AGL: variants seen among roughly 807,000 people sequenced by gnomAD.
The protein encoded by AGL is glycogen debranching enzyme.
AGL carries 128 observed loss-of-function variants against 199.3 expected under a neutral mutation model. The observed-to-expected ratio is 0.64, with a 90% CI of 0.56 to 0.74. The LOEUF (loss-of-function observed/expected upper bound fraction) is 0.74. Ranked by LOEUF, AGL falls within the 30% of genes least tolerant of loss-of-function variation. The probability of loss-of-function intolerance (pLI) is 0.00; values close to 1 mark genes in which losing one functional copy is unlikely to be tolerated. For synonymous variants in AGL, 584 were observed against 594.7 expected (o/e 0.98, Z 0.26); for missense variants, 1,809 against 1,820.8 (o/e 0.99, Z 0.12).
In AGL at chr1:99,913,564, A is replaced by G; in HGVS notation, c.3987A>G (p.Arg1329=). ...AGGTCTCATATGATGAGTGGAACAG[A>G]AAAATACAAGACAACTTTGAAAAGC... The part of the protein sequence containing the change: ...AIKVSYDEWN[R]KIQDNFEKLF... Residue 1329 remains arginine, a synonymous_variant, in exon 30 of 34, where the codon AGA becomes AGG. Coordinates refer to ENST00000361915, the MANE Select transcript of AGL (RefSeq NM_000642.3). 2 of 1,614,032 alleles carry G rather than the reference A, an allele frequency of 1.2e-6. No individual in the cohort carries two copies. The highest frequency in any genetic ancestry group is 1.3e-5 in the African/African-American group (1 of 75,052).
chr1:99,888,248 T>A, intron 21 of AGL, 140 bp downstream of exon 21: 1 of 1,064,170 alleles, frequency 9.4e-7, no homozygotes, highest in Non-Finnish European at 1.4e-6. Context: ...TTAATTGACC[T>A]TTGGCAAGTA....
chr1:99,855,772 GC>G (rs1306333537), intron 2 of AGL, among the ~76,000 whole-genome samples: 1 of 151,828 alleles, frequency 6.6e-6, no homozygotes, highest in Non-Finnish European at 1.5e-5. Flanking sequence ...CTGTACTCCA[GC>G]CTGGGCAACA....
intron 2 of AGL, among the ~76,000 whole-genome samples, chr1:99,851,643 A>AT (rs1292013383): frequency 6.6e-6 from 1 of 152,232 alleles, no homozygotes; most frequent in Non-Finnish European, 1.5e-5. Flanking sequence ...TTCTTAGCAA[A>AT]TAAAAAGTGC....
intron 2 of AGL, among the ~76,000 whole-genome samples, chr1:99,860,823 C>T (rs370963608): frequency 1.3e-5 from 2 of 152,106 alleles, no homozygotes; most frequent in African/African-American, 2.4e-5. Flanking sequence ...TTGCCCATGT[C>T]GGGATTATTT....
At position 99,879,987 on chromosome 1, in the gene AGL, G is replaced by C. The variant is rs1651875947; in HGVS notation, c.1676G>C (p.Gly559Ala). 1 of 1,613,752 alleles carries C rather than the reference G, an allele frequency of 6.2e-7. No individual in the cohort carries two copies. Among genetic ancestry groups the C allele is most frequent in the South Asian group, 1.1e-5 (1 of 91,068 alleles). Residue 559 changes from glycine to alanine, a missense_variant, in exon 13 of 34, where the codon GGA (glycine) becomes GCA (alanine). Transcript: ENST00000361915. ...NLYVVAELFT[G>A]SEDLDNVFVT... ...TATGTAGTAGCTGAACTGTTCACAG[G>C]AAGTGAAGATCTGGACAATGTCTTT...
intron 23 of AGL, 37 bp downstream of exon 23, chr1:99,891,776 G>T: frequency 6.2e-7 from 1 of 1,611,134 alleles, no homozygotes; most frequent in East Asian, 2.2e-5. Context: ...GGGCATATCT[G>T]TGTTGAAACT....
At chr1:99,877,226 A>G (rs781635027) in intron 11 of AGL, among the ~76,000 whole-genome samples, 1 of 152,074 alleles carries the variant, frequency 6.6e-6, no homozygotes, top group Non-Finnish European at 1.5e-5. Flanking sequence ...TCTTTTTTCT[A>G]GCCATTCTAA....
At chr1:99,880,858 C>A in intron 14 of AGL, 63 bp downstream of exon 14, 1 of 1,556,834 alleles carries the variant, frequency 6.4e-7, no homozygotes, top group Non-Finnish European at 8.9e-7. Context: ...AACTCTCTGA[C>A]ACTTGGTCAC....
In AGL at chr1:99,902,847, C is replaced by A. The variant is rs1002087285; in HGVS notation, c.3700+53C>A. 6.6e-6 allele frequency: 9 copies of A among 1,353,632 alleles called. No homozygotes were observed. The East Asian group carries it at 1.6e-4, about 25-fold the overall frequency. The allele number at this position is 1,353,632 out of a possible 1,614,324, so 83.9% of individuals were successfully genotyped here. On this transcript the variant is annotated intron_variant, in intron 27 of 33. Coordinates refer to ENST00000361915, the MANE Select transcript of AGL (RefSeq NM_000642.3). ...AATTTATCAAGGTGATGAAATTAAA[C>A]CTTGCAATTGTTCACTTAGTAAATA...
intron 27 of AGL, among the ~76,000 whole-genome samples, chr1:99,909,206 T>C (rs912082867): frequency 2.6e-5 from 4 of 151,906 alleles, no homozygotes; most frequent in Admixed American, 2.6e-4. Context: ...TGGAAGTCTA[T>C]ACTCCCCACC....
chr1:99,886,391 A>G (rs950591998), intron 20 of AGL, among the ~76,000 whole-genome samples: 5 of 152,104 alleles, frequency 3.3e-5, no homozygotes, highest in African/African-American at 4.8e-5. Context: ...AGGTAACAGC[A>G]TCAGCATCAG....
chr1:99,912,291 T>A, intron 28 of AGL, 114 bp from the exon 29 acceptor site: 2 of 818,352 alleles, frequency 2.4e-6, no homozygotes, highest in Middle Eastern at 6.8e-4. Flanking sequence ...TAAGGATTTT[T>A]TAATAGTTTT....
Position 99,900,658 on chromosome 1 carries a change from G to A in AGL, c.3385G>A (p.Gly1129Ser). The change falls in exon 26 of 34, where the codon GGT (glycine) becomes AGT (serine). Residue 1129 changes from glycine (G) to serine (S), a missense_variant. Transcript: ENST00000361915. ...TAGGAATATTATTTTAGCATTTGCG[G>A]GTACCCTGAGGCATGGTCTCATTCC... is the stretch of plus-strand genomic sequence containing the variant. ...EARNIILAFA[G>S]TLRHGLIPNL... The A allele has an allele frequency of 7.4e-6, 12 of 1,613,940 alleles. No homozygotes were observed. Among genetic ancestry groups the A allele is most frequent in the Non-Finnish European group, 1.0e-5 (12 of 1,179,868 alleles).
At chr1:99,901,382 TAAAA>T (rs58305886) in intron 26 of AGL, among the ~76,000 whole-genome samples, 2 of 107,758 alleles carry the variant, frequency 1.9e-5, no homozygotes, top group African/African-American at 7.1e-5. Context: ...TCAGTCTCTT[TAAAA>T]AAAAAAAAAA....
At chr1:99,910,395 T>C (rs940787043) in intron 27 of AGL, among the ~76,000 whole-genome samples, 1 of 152,206 alleles carries the variant, frequency 6.6e-6, no homozygotes, top group Admixed American at 6.5e-5. Flanking sequence ...TGTTTATCCA[T>C]TCCTCTATTG....
In AGL at chr1:99,916,513, ATCTTCT is replaced by A. The variant is rs764978470; in HGVS notation, c.4347+17_4347+22del. On this transcript the variant is annotated intron_variant, in intron 32 of 33. Coordinates refer to ENST00000361915, the MANE Select transcript of AGL (RefSeq NM_000642.3). ...CCAAGGACCTGTAAGAATTTCATTT[ATCTTCT>A]GAGTTTCAGTTTAAATTATTTTTCA... 1.2e-6 allele frequency: 2 copies of A among 1,606,874 alleles called. No homozygotes were observed. Among genetic ancestry groups the A allele is most frequent in the South Asian group, 2.2e-5 (2 of 90,430 alleles).
chr1:99,906,879 A>G (rs563815956), intron 27 of AGL, among the ~76,000 whole-genome samples: 1 of 152,284 alleles, frequency 6.6e-6, no homozygotes, highest in South Asian at 2.1e-4. Flanking sequence ...ATTTTTATGT[A>G]TATATACCCA....
upstream of AGL, among the ~76,000 whole-genome samples, chr1:99,849,848 T>C (rs1469801430): frequency 6.6e-6 from 1 of 152,222 alleles, no homozygotes; most frequent in East Asian, 1.9e-4. Flanking sequence ...GATCCTACTG[T>C]GCAGCTCAAC....
chr1:99,882,329 G>A (rs1445850197), intron 17 of AGL, among the ~76,000 whole-genome samples: 1 of 152,062 alleles, frequency 6.6e-6, no homozygotes, highest in Non-Finnish European at 1.5e-5. Flanking sequence ...GTATATTTGT[G>A]TTAGTGTATA....
Sources: allele counts gnomAD v4.1 joint callset (sites outside exome capture counted in the v4.1 genomes callset), GRCh38; gene constraint gnomAD v4.1.1; transcripts MANE v1.5; gene names NCBI Gene and HGNC (gene_info 2026-07-23, HGNC 2026-07-21).